SDC3: variants seen among roughly 807,000 people sequenced by gnomAD.
SDC3 encodes the protein syndecan 3, also known as syndecan-3.
Under a neutral mutation model 24.4 loss-of-function variants are expected in SDC3, and 13 were observed. That is an observed-to-expected ratio of 0.53 (90% CI 0.35 to 0.85). The LOEUF (loss-of-function observed/expected upper bound fraction) is 0.85, where lower values mean the gene tolerates loss of function less well. Among genes scored for constraint, SDC3 ranks in the 40% least tolerant of loss-of-function variants. The pLI, the probability that SDC3 is intolerant of heterozygous loss-of-function variation, is 0.01. For missense variants in SDC3, 571 were observed against 584.5 expected, an observed-to-expected ratio of 0.98 and a Z score of 0.24; for synonymous variants, 295 against 260.9, an observed-to-expected ratio of 1.13 and a Z score of -1.26.
At chr1:30,892,038 C>T (rs1480235128) in intron 1 of SDC3, among the ~76,000 whole-genome samples, 2 of 151,944 alleles carry the variant, frequency 1.3e-5, no homozygotes, top group African/African-American at 2.4e-5. Context: ...CCAACATCCT[C>T]CTCCAGCCTC....
At chr1:30,889,839 T>A (rs1639880521) in intron 1 of SDC3, among the ~76,000 whole-genome samples, 1 of 152,190 alleles carries the variant, frequency 6.6e-6, no homozygotes, top group African/African-American at 2.4e-5. Context: ...TCAGTAATTC[T>A]ACTCCTAGGG....
intron 1 of SDC3, among the ~76,000 whole-genome samples, chr1:30,907,922 C>G (rs1203424923): frequency 6.6e-6 from 1 of 152,224 alleles, no homozygotes; most frequent in Non-Finnish European, 1.5e-5. Flanking sequence ...CGATCCGATT[C>G]CCAAAAAGTG....
At chr1:30,874,198 G>A in intron 4 of SDC3, 99 bp downstream of exon 4, 1 of 989,776 alleles carries the variant, frequency 1.0e-6, no homozygotes, top group Non-Finnish European at 1.5e-6. Context: ...ACCACGCCCT[G>A]ATCTCCTTTC....
At chr1:30,886,027 TC>T (rs1639822730) in intron 1 of SDC3, among the ~76,000 whole-genome samples, 1 of 152,052 alleles carries the variant, frequency 6.6e-6, no homozygotes, top group Admixed American at 6.6e-5. Context: ...TTGATGCCTG[TC>T]CCCAAGCTCG....
At position 30,877,103 on chromosome 1, in the gene SDC3, C is replaced by T. The variant is rs901325573; in HGVS notation, c.319G>A (p.Val107Met). 1.2e-6 allele frequency: 2 copies of T among 1,613,868 alleles called. No individual in the cohort carries two copies. The highest frequency in any genetic ancestry group is 2.7e-5 in the African/African-American group (2 of 74,902). ...GGCAGCACCGCAGGTGTGGTGGACA[C>T]CGCCAGGGCTACATCTGGGCTGAAG... is the stretch of plus-strand genomic sequence containing the variant. ...MRFSPDVALA[V>M]STTPAVLPTT... Residue 107 changes from valine (V) to methionine (M), a missense_variant, in exon 3 of 5, where the codon GTG (valine) becomes ATG (methionine). Around this residue, in one of 2 missense-constraint regions of SDC3, gnomAD observed 497 missense variants for 471.6 expected, o/e 1.05. Coordinates refer to ENST00000339394, the MANE Select transcript of SDC3 (RefSeq NM_014654.4).
intron 1 of SDC3, among the ~76,000 whole-genome samples, chr1:30,906,600 C>T (rs1192255611): frequency 4.6e-5 from 7 of 152,144 alleles, no homozygotes; most frequent in African/African-American, 1.7e-4. Flanking sequence ...TTCATGTGCA[C>T]ACCACATGAC....
chr1:30,907,681 G>A (rs1638551290), intron 1 of SDC3, among the ~76,000 whole-genome samples: 1 of 152,050 alleles, frequency 6.6e-6, no homozygotes, highest in Admixed American at 6.5e-5. Flanking sequence ...ATCCACCCAT[G>A]TGGCAGACAC....
At chr1:30,902,778 C>T (rs1292464461) in intron 1 of SDC3, among the ~76,000 whole-genome samples, 2 of 152,208 alleles carry the variant, frequency 1.3e-5, no homozygotes, top group East Asian at 1.9e-4. Context: ...AAGGCCCGCC[C>T]GATGCAGCCC....
At chr1:30,899,331 C>T (rs558469310) in intron 1 of SDC3, among the ~76,000 whole-genome samples, 2 of 152,286 alleles carry the variant, frequency 1.3e-5, no homozygotes, top group South Asian at 2.1e-4. Context: ...GTGATCTGCT[C>T]GCCTCGGCCT....
At chr1:30,892,151 G>A (rs1639915609) in intron 1 of SDC3, among the ~76,000 whole-genome samples, 1 of 151,996 alleles carries the variant, frequency 6.6e-6, no homozygotes, top group African/African-American at 2.4e-5. Context: ...ACCTGCCAGG[G>A]CTCAAGGACC....
At chr1:30,886,285 A>G (rs559227013) in intron 1 of SDC3, among the ~76,000 whole-genome samples, 72 of 152,248 alleles carry the variant, frequency 4.7e-4, no homozygotes, top group Middle Eastern at 6.8e-3. Flanking sequence ...ACTGTGTGCC[A>G]AGCACCATCC....
chr1:30,904,601 G>A (rs1459842927), intron 1 of SDC3, among the ~76,000 whole-genome samples: 1 of 152,108 alleles, frequency 6.6e-6, no homozygotes, highest in African/African-American at 2.4e-5. Context: ...CAGAGAGCAG[G>A]AGGCTTCAGG....
chr1:30,895,192 G>A lies in SDC3; in HGVS notation c.138+13257C>T, dbSNP rs1557523956. Among the ~76,000 whole-genome samples the A allele has an allele frequency of 3.9e-5, 6 of 152,254 alleles. No homozygotes were observed. The South Asian group carries it at 1.2e-3, about 32-fold the overall frequency. ...TCCTACAAAGACACCAGGGCCCCAT[G>A]CATCAGCACAGACACACAACAACAT... On this transcript the variant is annotated intron_variant, in intron 1 of 4. Coordinates refer to ENST00000339394, the MANE Select transcript of SDC3 (RefSeq NM_014654.4).
chr1:30,884,684 C>G (rs1460558396), intron 1 of SDC3, among the ~76,000 whole-genome samples: 1 of 152,226 alleles, frequency 6.6e-6, no homozygotes, highest in Non-Finnish European at 1.5e-5. Flanking sequence ...TCCTCTTCCC[C>G]CTTCTCTGCC....
intron 1 of SDC3, among the ~76,000 whole-genome samples, chr1:30,900,310 T>C (rs1045190918): frequency 6.6e-6 from 1 of 152,208 alleles, no homozygotes; most frequent in African/African-American, 2.4e-5. Flanking sequence ...TTGGCCGTTA[T>C]CTTTCTCATC....
chr1:30,884,063 C>G (rs1266084164), intron 1 of SDC3, among the ~76,000 whole-genome samples: 1 of 152,090 alleles, frequency 6.6e-6, no homozygotes, highest in Non-Finnish European at 1.5e-5. Context: ...GGAGCCGGGA[C>G]CAGGAGGGGG....
chr1:30,887,384 C>A (rs1485946934), intron 1 of SDC3, among the ~76,000 whole-genome samples: 1 of 152,166 alleles, frequency 6.6e-6, no homozygotes, highest in African/African-American at 2.4e-5. Flanking sequence ...CTTCGCCTCA[C>A]TGGGCCTCGC....
intron 1 of SDC3, among the ~76,000 whole-genome samples, chr1:30,883,954 G>A (rs753000566): frequency 3.9e-5 from 6 of 152,124 alleles, no homozygotes; most frequent in South Asian, 2.1e-4. Context: ...TGCCCCTCAC[G>A]CTCACCAGAT....
chr1:30,870,089 G>A lies in SDC3; in HGVS notation c.*3122C>T, dbSNP rs1639506055. The A allele has an allele frequency of 7.6e-6, 3 of 395,596 alleles. No homozygotes were observed. Among genetic ancestry groups the A allele is most frequent in the South Asian group, 2.9e-4 (2 of 6,994 alleles). The allele number at this position is 395,596 out of a possible 1,614,324, so 24.5% of individuals were successfully genotyped here. On this transcript the variant is annotated 3_prime_UTR_variant, in exon 5 of 5. Transcript: ENST00000339394. The stretch of plus-strand genomic sequence containing the variant: ...GAGAAGAAATCCAGAGAACACAGGA[G>A]GCAGCCACTCCTACCCCATGAGGCA...
Sources: gnomAD v4.1 joint callset for allele counts (sites outside exome capture counted in the v4.1 genomes callset) on GRCh38, gnomAD v4.1.1 for gene constraint, gnomAD v4.1.1 regional missense constraint, MANE v1.5 for transcripts, NCBI Gene and HGNC (gene_info 2026-07-23, HGNC 2026-07-21) for gene names.